Variants in SPPL2B observed in about 807,000 individuals in gnomAD.
The protein encoded by SPPL2B is signal peptide peptidase like 2B.
SPPL2B carries 39 observed loss-of-function variants against 59.7 expected under a neutral mutation model. The ratio of observed to expected loss-of-function variants is 0.65; its 90% confidence interval spans 0.51 to 0.85. The LOEUF (loss-of-function observed/expected upper bound fraction) is 0.85, where lower values mean the gene tolerates loss of function less well. Among genes scored for constraint, SPPL2B ranks in the 40% least tolerant of loss-of-function variants. SPPL2B has a pLI of 0.00. For missense variants in SPPL2B, 865 were observed against 849.0 expected (o/e 1.02, Z -0.23); for synonymous variants, 419 against 370.8 (o/e 1.13, Z -1.49).
intron 1 of SPPL2B, among the ~76,000 whole-genome samples, chr19:2,334,163 C>A (rs1225982661): frequency 6.6e-6 from 1 of 152,180 alleles, no homozygotes; most frequent in East Asian, 1.9e-4. Context: ...CAGAGGCTTG[C>A]TTGTCCAGGC....
chr19:2,346,666 C>G (rs11084937), intron 13 of SPPL2B, among the ~76,000 whole-genome samples: 2 of 151,960 alleles, frequency 1.3e-5, no homozygotes, highest in Non-Finnish European at 1.5e-5. Context: ...GACCCTGTCT[C>G]GAAAAAATAA....
At chr19:2,336,976 G>A (rs569188562) in intron 2 of SPPL2B, 84 of 156,824 alleles carry the variant, frequency 5.4e-4, no homozygotes, top group African/African-American at 1.9e-3. Flanking sequence ...TTGTGTGTGC[G>A]CGTGTTCCGG....
At chr19:2,336,656 CATGTGTGT>C (rs1452315739) in intron 2 of SPPL2B, among the ~76,000 whole-genome samples, 1 of 145,326 alleles carries the variant, frequency 6.9e-6, no homozygotes, top group Non-Finnish European at 1.5e-5. Flanking sequence ...TGTGTGTGTG[CATGTGTGT>C]AATAGGCATG....
intron 13 of SPPL2B, among the ~76,000 whole-genome samples, chr19:2,346,958 G>A (rs1039939358): frequency 3.9e-5 from 6 of 151,920 alleles, no homozygotes; most frequent in South Asian, 2.1e-4. Flanking sequence ...TGGACACAGC[G>A]GCTCTTTTTT....
At chr19:2,347,814 G>A (rs1250143657) in intron 13 of SPPL2B, among the ~76,000 whole-genome samples, 9 of 24,598 alleles carry the variant, frequency 3.7e-4, no homozygotes, top group Non-Finnish European at 5.1e-4. Flanking sequence ...CCACACACAC[G>A]CGCTCTCATT....
intron 13 of SPPL2B, among the ~76,000 whole-genome samples, chr19:2,350,410 TTC>T (rs1171001774): frequency 9.7e-6 from 1 of 103,594 alleles, no homozygotes; most frequent in African/African-American, 3.7e-5. Context: ...CTTGATTCCG[TTC>T]TCTCTCCACA....
At chr19:2,350,390 T>C (rs74946741) in intron 13 of SPPL2B, among the ~76,000 whole-genome samples, 65 of 86,718 alleles carry the variant, frequency 7.5e-4, no homozygotes, top group Middle Eastern at 0.011. Context: ...CACACTCGCG[T>C]TCTCATTCGC....
chr19:2,351,700 C>T lies in SPPL2B; in HGVS notation c.1515+106C>T, dbSNP rs763325979. On this transcript the variant is annotated intron_variant, in intron 14 of 14. Transcript: ENST00000613503. Reference sequence around the variant, plus strand: ...GCCACAGCCAGCCCTGCGGCCGCGACGGGGCTCAGGGTCCTGGTACCTTCT... The same window carrying T: ...GCCACAGCCAGCCCTGCGGCCGCGATGGGGCTCAGGGTCCTGGTACCTTCT... The T allele has an allele frequency of 1.5e-4, 220 of 1,458,214 alleles. 1 individual carries two copies. The highest frequency in any genetic ancestry group is 1.9e-4 in the East Asian group (8 of 43,216). The allele number at this position is 1,458,214 out of a possible 1,614,324, so 90.3% of individuals were successfully genotyped here. A position where few individuals can be genotyped will look rare whatever the true frequency, so the allele number is the denominator to read the frequency against.
rs555728336 is a variant in SPPL2B at position 2,343,991 on chromosome 19, G to A, written c.1065G>A (p.Leu355=). 7 of 1,548,450 alleles carry A rather than the reference G, an allele frequency of 4.5e-6. No individual in the cohort carries two copies. In the South Asian group the frequency reaches 4.8e-5, roughly 11 times the overall value. Residue 355 remains leucine, a synonymous_variant, in exon 10 of 15, where the codon CTG becomes CTA. Coordinates refer to ENST00000613503, the MANE Select transcript of SPPL2B (RefSeq NM_152988.3). ...FKACTLLLLV[L]FLYDIFFVFI... is the part of the protein sequence containing the mutation. ...CCTGCACGCTGCTGCTGCTGGTGCT[G>A]TTCCTCTACGACATCTTCTTCGTGT...
chr19:2,343,506 C>T (rs1045368964), intron 9 of SPPL2B, among the ~76,000 whole-genome samples: 5 of 152,170 alleles, frequency 3.3e-5, no homozygotes, highest in African/African-American at 1.2e-4. Context: ...CGGGGCGGTT[C>T]CCGGCAGGGG....
Position 2,345,307 on chromosome 19 carries a change from T to A in SPPL2B, c.1331T>A (p.Val444Glu). Residue 444 changes from valine to glutamate, a missense_variant, in exon 13 of 15, where the codon GTA (valine) becomes GAA (glutamate). Physicochemically the swap from Val to Glu is moderately radical, Grantham distance 121. Coordinates refer to ENST00000613503, the MANE Select transcript of SPPL2B (RefSeq NM_152988.3). ...GACATCCAGGTACAGTCCTCCAGGG[T>A]ATACTTCGTGGCCTGCACCATCGGT... ...RFDIQVQSSR[V>E]YFVACTIAYG... is the part of the protein sequence containing the mutation. 6.2e-7 allele frequency: 1 copy of A among 1,613,094 alleles called. No individual in the cohort carries two copies. Among genetic ancestry groups the A allele is most frequent in the East Asian group, 2.2e-5 (1 of 44,846 alleles).
intron 7 of SPPL2B, chr19:2,340,618 T>A: frequency 1.8e-6 from 1 of 547,966 alleles, no homozygotes; most frequent in South Asian, 2.1e-5. Flanking sequence ...GGTGAGGAGG[T>A]GGGAGGTCTG....
At chr19:2,340,447 C>T in intron 7 of SPPL2B, 3 of 630,426 alleles carry the variant, frequency 4.8e-6, no homozygotes, top group South Asian at 3.2e-5. Flanking sequence ...ACCCTGGGTT[C>T]CCCAGGGTTC....
chr19:2,352,681 C>G lies in SPPL2B; in HGVS notation c.1516-265C>G, dbSNP rs185571476. 5.2e-3 allele frequency among the ~76,000 whole-genome samples: 796 copies of G among 152,250 alleles called. 38 individuals carry two copies. Among genetic ancestry groups the G allele is most frequent in the Admixed American group, 0.048 (737 of 15,306 alleles). Reference sequence around the variant, plus strand: ...GGCCCAGGGGCGAGAGACGGTAGTCCAGGCTTTTCTTTGGAGAGGCTTTGC... The same window carrying G: ...GGCCCAGGGGCGAGAGACGGTAGTCGAGGCTTTTCTTTGGAGAGGCTTTGC... On this transcript the variant is annotated intron_variant, in intron 14 of 14. Coordinates refer to ENST00000613503, the MANE Select transcript of SPPL2B (RefSeq NM_152988.3).
intron 8 of SPPL2B, chr19:2,341,540 C>T (rs1021678861): frequency 3.1e-5 from 14 of 449,590 alleles, no homozygotes; most frequent in Admixed American, 9.4e-5. Context: ...CCCATGAGGC[C>T]GAGTGCCTGG....
chr19:2,338,467 G>C (rs1219565059), intron 3 of SPPL2B: 1 of 364,826 alleles, frequency 2.7e-6, no homozygotes, highest in African/African-American at 2.1e-5. Flanking sequence ...CTCAGGACTT[G>C]TATGTGCGGT....
chr19:2,340,224 A>G, intron 7 of SPPL2B, 52 bp downstream of exon 7: 2 of 1,399,070 alleles, frequency 1.4e-6, no homozygotes, highest in Non-Finnish European at 9.5e-7. Context: ...GGTGATGGCC[A>G]CGGCCCCTTT....
chr19:2,342,203 GCC>G (rs1969099475), intron 8 of SPPL2B: 1 of 153,252 alleles, frequency 6.5e-6, no homozygotes, highest in Non-Finnish European at 1.5e-5. Flanking sequence ...GCTTCGTGGG[GCC>G]AGGAGAGAGC....
intron 1 of SPPL2B, among the ~76,000 whole-genome samples, chr19:2,334,192 G>GCCAGGTCCGCTGGGGC (rs1378698009): frequency 6.6e-6 from 1 of 152,216 alleles, no homozygotes; most frequent in Non-Finnish European, 1.5e-5. Context: ...CAGGCTGGGG[G>GCCAGGTCCGCTGGGGC]CCAGGTCCGC....
Sources: gnomAD v4.1 joint callset for allele counts (sites outside exome capture counted in the v4.1 genomes callset) on GRCh38, gnomAD v4.1.1 for gene constraint, MANE v1.5 for transcripts, NCBI Gene and HGNC (gene_info 2026-07-23, HGNC 2026-07-21) for gene names.